Variants in SLFN14 observed in about 807,000 individuals in gnomAD.
SLFN14 encodes the protein schlafen family member 14.
Under a neutral mutation model 58.6 loss-of-function variants are expected in SLFN14, and 47 were observed. The observed-to-expected ratio is 0.80, with a 90% confidence interval of 0.64 to 1.02. The LOEUF (loss-of-function observed/expected upper bound fraction) is 1.02, where lower values mean the gene tolerates loss of function less well. Among genes scored for constraint, SLFN14 ranks in the 50% least tolerant of loss-of-function variants. SLFN14 has a pLI of 0.00. For synonymous variants in SLFN14, 390 were observed against 387.3 expected, an observed-to-expected ratio of 1.01 and a Z score of -0.08; for missense variants, 967 against 1,078.4, an observed-to-expected ratio of 0.90 and a Z score of 1.45.
chr17:35,554,121 C>T (rs2072625448), intron 4 of SLFN14, among the ~76,000 whole-genome samples: 1 of 151,692 alleles, frequency 6.6e-6, no homozygotes, highest in African/African-American at 2.4e-5. Flanking sequence ...TTCAGATAAC[C>T]CAATGGCTCC....
chr17:35,548,245 G>A lies in SLFN14; in HGVS notation c.2733C>T (p.Ala911=), dbSNP rs1352816015. Residue 911 remains alanine (A), a synonymous_variant, in exon 6 of 6, where the codon GCC becomes GCT. Transcript: ENST00000674182. ...CTATTATTTGTAATAATTTTCAGTA[G>A]GCTGCCCTCTTTTCATAAAGCAGGT... is the stretch of plus-strand genomic sequence containing the variant. ...HLYLLYEKRA[A]Y The A allele has an allele frequency of 3.9e-6, 6 of 1,550,598 alleles. No homozygotes were observed. The highest frequency in any genetic ancestry group is 1.4e-5 in the African/African-American group (1 of 72,946).
rs764274748 is a variant in SLFN14 at position 35,548,456 on chromosome 17, G to T, written c.2522C>A (p.Thr841Asn). The T allele has an allele frequency of 7.1e-6, 11 of 1,551,582 alleles. No homozygotes were observed. In the South Asian group the frequency reaches 1.3e-4, roughly 18 times the overall value. ...ALLKAMELIE[T>N]HRPSEVVFSP... ...AAACACAACCTCTGATGGTCTGTGGGTCTCAATTAATTCCATTGCTTTGAG... is the reference window on the plus strand; with the variant it reads ...AAACACAACCTCTGATGGTCTGTGGTTCTCAATTAATTCCATTGCTTTGAG... Residue 841 changes from threonine (T) to asparagine (N), a missense_variant, in exon 6 of 6, where the codon ACC (threonine) becomes AAC (asparagine). Transcript: ENST00000674182.
chr17:35,544,991 T>C lies in SLFN14; in HGVS notation c.*3248A>G, dbSNP rs539266741. On this transcript the variant is annotated 3_prime_UTR_variant, in exon 6 of 6. Transcript: ENST00000674182. ...TTAGTTAATTGCTTTATCCATCATA[T>C]TAAGACTTTGTAGAAAACATTGAGA... is the stretch of plus-strand genomic sequence containing the variant. 6.6e-6 allele frequency among the ~76,000 whole-genome samples: 1 copy of C among 152,340 alleles called. No homozygotes were observed. Among genetic ancestry groups the C allele is most frequent in the South Asian group, 2.1e-4 (1 of 4,828 alleles).
chr17:35,557,929 A>G lies in SLFN14; in HGVS notation c.134T>C (p.Ile45Thr). The G allele has an allele frequency of 1.3e-6, 2 of 1,551,678 alleles. No homozygotes were observed. Among genetic ancestry groups the G allele is most frequent in the South Asian group, 2.4e-5 (2 of 84,062 alleles). ...SCLKRSENSR[I>T]IRAICALLNS... ...TAACAGTGCACATATAGCCCGGATA[A>G]TTCTAGAATTCTCAGATCTTTTCAA... Residue 45 changes from isoleucine to threonine, a missense_variant, in exon 3 of 6, where the codon ATT becomes ACT. By Grantham distance (89) the Ile-to-Thr change is moderately conservative. Coordinates refer to ENST00000674182, the MANE Select transcript of SLFN14 (RefSeq NM_001129820.2).
At position 35,552,819 on chromosome 17, in the gene SLFN14, C is replaced by G; in HGVS notation, c.1815G>C (p.Lys605Asn). Reference sequence around the variant, plus strand: ...ACAAGTCCTTAATTTTCTCCATGATCTTTATGGCTAGGGCTGTCTTCCTGA... The same window carrying G: ...ACAAGTCCTTAATTTTCTCCATGATGTTTATGGCTAGGGCTGTCTTCCTGA... ...PGVRKTALAI[K>N]IMEKIKDLFH... Residue 605 changes from lysine to asparagine, a missense_variant, in exon 5 of 6, where the codon AAG becomes AAC. Physicochemically the swap from Lys to Asn is moderately conservative, Grantham distance 94 (BLOSUM62 0). Transcript: ENST00000674182. 1 of 1,551,006 alleles carries G rather than the reference C, an allele frequency of 6.4e-7. No individual in the cohort carries two copies. The highest frequency in any genetic ancestry group is 8.7e-7 in the Non-Finnish European group (1 of 1,146,754).
intron 3 of SLFN14, among the ~76,000 whole-genome samples, chr17:35,555,092 G>T (rs1317179403): frequency 6.6e-6 from 1 of 152,086 alleles, no homozygotes; most frequent in Non-Finnish European, 1.5e-5. Context: ...AATGGTGTTG[G>T]CCAGATGTGA....
At chr17:35,556,835 TGA>T (rs2072656329) in intron 3 of SLFN14, among the ~76,000 whole-genome samples, 166 bp downstream of exon 3, 1 of 152,214 alleles carries the variant, frequency 6.6e-6, no homozygotes, top group African/African-American at 2.4e-5. Context: ...GTTTATATTC[TGA>T]GTCTTTGGAA....
In SLFN14 at chr17:35,548,170, A is replaced by G; in HGVS notation, c.*69T>C. ...TTCCTCACTTGTAATATTAAAATGG[A>G]GTCACTGCTACCTGTCTAGGAGAAA... On this transcript the variant is annotated 3_prime_UTR_variant, in exon 6 of 6. Transcript: ENST00000674182. The G allele has an allele frequency of 7.2e-7, 1 of 1,380,754 alleles. No individual in the cohort carries two copies. Among genetic ancestry groups the G allele is most frequent in the Non-Finnish European group, 9.8e-7 (1 of 1,024,232 alleles). 85.5% of individuals were successfully genotyped at this position (1,380,754 alleles called of 1,614,324 possible).
At chr17:35,560,430 T>C (rs2072689068) in intron 1 of SLFN14, among the ~76,000 whole-genome samples, 1 of 152,102 alleles carries the variant, frequency 6.6e-6, no homozygotes, top group Non-Finnish European at 1.5e-5. Context: ...CAGGTTCAAG[T>C]GACTCTCCTG....
intron 1 of SLFN14, among the ~76,000 whole-genome samples, chr17:35,560,349 C>T (rs1293575666): frequency 1.3e-5 from 2 of 152,172 alleles, no homozygotes; most frequent in South Asian, 2.1e-4. Flanking sequence ...TTTTTTGAGA[C>T]AGAGTTTTGC....
At position 35,548,749 on chromosome 17, in the gene SLFN14, T is replaced by C; in HGVS notation, c.2229A>G (p.Lys743=). Residue 743 remains lysine (K), a synonymous_variant, in exon 6 of 6, where the codon AAA becomes AAG. Transcript: ENST00000674182. ...HCALEIAKVM[K]EEMKRIKENP... ...TTTCTTTGATCCTCTTCATTTCTTCTTTCATAACCTTCGCTATTTCCAGAG... is the reference window on the plus strand; with the variant it reads ...TTTCTTTGATCCTCTTCATTTCTTCCTTCATAACCTTCGCTATTTCCAGAG... 6.4e-7 allele frequency: 1 copy of C among 1,551,752 alleles called. No homozygotes were observed. The highest frequency in any genetic ancestry group is 1.2e-5 in the South Asian group (1 of 84,066).
rs1424268129 is a variant in SLFN14 at position 35,545,518 on chromosome 17, A to G, written c.*2721T>C. Among the ~76,000 whole-genome samples the G allele has an allele frequency of 2.6e-5, 4 of 152,120 alleles. No individual in the cohort carries two copies. Among genetic ancestry groups the G allele is most frequent in the Non-Finnish European group, 5.9e-5 (4 of 68,018 alleles). On this transcript the variant is annotated 3_prime_UTR_variant, in exon 6 of 6. Coordinates refer to ENST00000674182, the MANE Select transcript of SLFN14 (RefSeq NM_001129820.2). Reference sequence around the variant, plus strand: ...ATCATTTGGATTTTTTTTAAGAGATAGAGTCTTGCTCTGTAACCCAGGCTG... The same window carrying G: ...ATCATTTGGATTTTTTTTAAGAGATGGAGTCTTGCTCTGTAACCCAGGCTG...
At chr17:35,549,110 A>C in intron 5 of SLFN14, 37 bp from the exon 6 acceptor site, 1 of 1,444,630 alleles carries the variant, frequency 6.9e-7, no homozygotes, top group Non-Finnish European at 9.5e-7. Context: ...GAGGCATATC[A>C]ACAAAGAGAA....
intron 5 of SLFN14, among the ~76,000 whole-genome samples, chr17:35,552,104 G>A (rs187392545): frequency 4.8e-4 from 73 of 152,156 alleles, no homozygotes; most frequent in African/African-American, 1.6e-3. Context: ...CCCCTGGACC[G>A]GCCTGCTAGC....
intron 5 of SLFN14, among the ~76,000 whole-genome samples, chr17:35,552,068 A>T (rs1272902190): frequency 6.6e-6 from 1 of 152,214 alleles, no homozygotes; most frequent in Admixed American, 6.5e-5. Context: ...CCCCAGATGC[A>T]ATCCATGAGT....
rs1481881857 is a variant in SLFN14, at chr17:35,553,444, A to C, written c.1190T>G (p.Val397Gly). 119 of 1,528,254 alleles carry C rather than the reference A, an allele frequency of 7.8e-5. No individual in the cohort carries two copies. Among genetic ancestry groups the C allele is most frequent in the Admixed American group, 1.5e-4 (7 of 47,444 alleles). 94.7% of individuals were successfully genotyped at this position (1,528,254 alleles called of 1,614,324 possible). Residue 397 changes from valine to glycine, a missense_variant and splice_region_variant, in exon 5 of 6, where the codon GTG becomes GGG. By Grantham distance (109) the Val-to-Gly change is moderately radical. Transcript: ENST00000674182. The stretch of plus-strand genomic sequence containing the variant: ...TTTAAATTGTACCTCTTCCTGTGTC[A>C]CTGAAAATTCAAGGAATAGATGTTA... ...KEALQRHLFP[V>G]TQEEVQFKPE...
At position 35,557,557 on chromosome 17, in the gene SLFN14, G is replaced by T; in HGVS notation, c.506C>A (p.Pro169His). 1 of 1,551,606 alleles carries T rather than the reference G, an allele frequency of 6.4e-7. No homozygotes were observed. Among genetic ancestry groups the T allele is most frequent in the Non-Finnish European group, 8.7e-7 (1 of 1,146,978 alleles). Residue 169 changes from proline to histidine, a missense_variant, in exon 3 of 6, where the codon CCT becomes CAT. Transcript: ENST00000674182. ...AATGCATCTATTGAGAACCTGCTGA[G>T]GATGCAACTTCTTCACCCTTGGTCT... ...RGRPRVKKLH[P>H]QQVLNRCIQE...
In SLFN14 at chr17:35,552,798, G is replaced by A; in HGVS notation, c.1836C>T (p.Asp612=). The A allele has an allele frequency of 6.4e-7, 1 of 1,551,146 alleles. No homozygotes were observed. The highest frequency in any genetic ancestry group is 1.4e-5 in the African/African-American group (1 of 73,044). The change falls in exon 5 of 6, where the codon GAC becomes GAT. Residue 612 remains aspartate (D), a synonymous_variant. Transcript: ENST00000674182. ...LAIKIMEKIK[D]LFHCKPKEIL... ...TCTCTTTTGGTTTGCAGTGAAACAA[G>A]TCCTTAATTTTCTCCATGATCTTTA... is the stretch of plus-strand genomic sequence containing the variant.
chr17:35,545,502 ATTTT>A lies in SLFN14; in HGVS notation c.*2733_*2736del, dbSNP rs1037004716. Among the ~76,000 whole-genome samples the A allele has an allele frequency of 6.6e-6, 1 of 151,850 alleles. No individual in the cohort carries two copies. The highest frequency in any genetic ancestry group is 1.5e-5 in the Non-Finnish European group (1 of 67,934). On this transcript the variant is annotated 3_prime_UTR_variant, in exon 6 of 6. Coordinates refer to ENST00000674182, the MANE Select transcript of SLFN14 (RefSeq NM_001129820.2). ...CTTGTGACATATTAGAATCATTTGGATTTTTTTTAAGAGATAGAGTCTTGCTCTG... is the reference window on the plus strand; with the variant it reads ...CTTGTGACATATTAGAATCATTTGGATTTTAAGAGATAGAGTCTTGCTCTG...
Sources: gnomAD v4.1 joint callset for allele counts (sites outside exome capture counted in the v4.1 genomes callset) on GRCh38, gnomAD v4.1.1 for gene constraint, MANE v1.5 for transcripts, NCBI Gene and HGNC (gene_info 2026-07-23, HGNC 2026-07-21) for gene names.